The following SUGCT variants were observed in gnomAD, a reference collection of about 807,000 sequenced individuals.
SUGCT encodes succinyl-CoA:glutarate-CoA transferase.
Under a neutral mutation model 55.0 loss-of-function variants are expected in SUGCT, and 41 were observed. That is an observed-to-expected ratio of 0.74 (90% CI 0.58 to 0.97). The LOEUF (loss-of-function observed/expected upper bound fraction) is 0.97. Ranked by LOEUF, SUGCT falls within the 50% of genes least tolerant of loss-of-function variation. SUGCT has a pLI of 0.00. For missense variants in SUGCT, 568 were observed against 547.8 expected (o/e 1.04, Z -0.37); for synonymous variants, 187 against 200.4 (o/e 0.93, Z 0.56).
chr7:40,461,134 G>A (rs913980160), intron 11 of SUGCT, among the ~76,000 whole-genome samples: 4 of 152,146 alleles, frequency 2.6e-5, no homozygotes, highest in African/African-American at 7.2e-5. Flanking sequence ...GTGATGACCT[G>A]GGAAGATTAG....
At chr7:40,985,551 C>G in the SUGCT span, among the ~76,000 whole-genome samples, 2 of 151,964 alleles carry the variant, frequency 1.3e-5, no homozygotes, top group African/African-American at 4.8e-5. Context: ...GCAGTTTTAC[C>G]TGGAAGATAA....
At chr7:40,170,733 C>A (rs1438817197) in intron 1 of SUGCT, among the ~76,000 whole-genome samples, 3 of 151,418 alleles carry the variant, frequency 2.0e-5, no homozygotes, top group Non-Finnish European at 4.4e-5. Context: ...GTCTAGTGGT[C>A]CTTTAACAGC....
chr7:40,667,854 GT>G (rs1418622088), intron 12 of SUGCT, among the ~76,000 whole-genome samples: 4 of 152,080 alleles, frequency 2.6e-5, no homozygotes, highest in South Asian at 4.2e-4. Flanking sequence ...CTAGCCAGTA[GT>G]CTACTGATCT....
chr7:40,141,363 G>A (rs58952289), intron 1 of SUGCT, among the ~76,000 whole-genome samples: 4,984 of 151,886 alleles, frequency 0.033, 260 homozygotes, highest in African/African-American at 0.11. Context: ...GGCCAGGCGC[G>A]GTGGCTCATG....
At chr7:40,784,270 C>T (rs1435808348) in intron 13 of SUGCT, among the ~76,000 whole-genome samples, 2 of 152,080 alleles carry the variant, frequency 1.3e-5, no homozygotes, top group Non-Finnish European at 2.9e-5. Flanking sequence ...AGTTCTGCTC[C>T]ACTCATCAGC....
chr7:40,228,549 A>G (rs1352347435), intron 6 of SUGCT, among the ~76,000 whole-genome samples: 1 of 151,972 alleles, frequency 6.6e-6, no homozygotes, highest in Non-Finnish European at 1.5e-5. Context: ...AATACTTCAT[A>G]GAAGGTGGTG....
intron 13 of SUGCT, among the ~76,000 whole-genome samples, chr7:40,792,509 G>C (rs1311957211): frequency 6.6e-6 from 1 of 152,104 alleles, no homozygotes; most frequent in Non-Finnish European, 1.5e-5. Context: ...ATTCCGTATT[G>C]ACCAGCAACC....
intron 9 of SUGCT, among the ~76,000 whole-genome samples, chr7:40,448,906 G>GTGTGTGTGTGTGTATATA (rs1789014453): frequency 8.8e-6 from 1 of 113,058 alleles, no homozygotes; most frequent in Admixed American, 8.6e-5. Context: ...AGACACATAT[G>GTGTGTGTGTGTGTATATA]TGTGTGTGTG....
chr7:40,488,348 ACT>A (rs1480204024), intron 11 of SUGCT, among the ~76,000 whole-genome samples: 4 of 152,146 alleles, frequency 2.6e-5, no homozygotes, highest in Admixed American at 2.0e-4. Context: ...ACAACAAAAA[ACT>A]CTACATTTTC....
At position 40,394,412 on chromosome 7, in the gene SUGCT, G is replaced by C. The variant is rs375874738; in HGVS notation, c.817-54875G>C. 1.1e-4 allele frequency among the ~76,000 whole-genome samples: 17 copies of C among 152,106 alleles called. No individual in the cohort carries two copies. The South Asian group carries it at 1.5e-3, about 13-fold the overall frequency. On this transcript the variant is annotated intron_variant, in intron 9 of 13. Coordinates refer to ENST00000335693, the MANE Select transcript of SUGCT (RefSeq NM_001193313.2). ...CACTGCAAAAGGAACATAGATAATA[G>C]ATAAATAAATATGCCCATCTTCCAA...
chr7:40,902,269 A>G, the SUGCT span, among the ~76,000 whole-genome samples: 6 of 152,196 alleles, frequency 3.9e-5, no homozygotes, highest in Non-Finnish European at 7.3e-5. Flanking sequence ...TATGTTTAAT[A>G]TATTTTTCAA....
chr7:40,566,124 G>A (rs1023053702), intron 12 of SUGCT, among the ~76,000 whole-genome samples: 1 of 152,102 alleles, frequency 6.6e-6, no homozygotes, highest in African/African-American at 2.4e-5. Flanking sequence ...AGCGTCTACA[G>A]TGTAGTCTTC....
At chr7:40,555,289 C>G (rs577086854) in intron 12 of SUGCT, among the ~76,000 whole-genome samples, 1 of 145,802 alleles carries the variant, frequency 6.9e-6, no homozygotes, top group Non-Finnish European at 1.5e-5. Context: ...CAATGAAACC[C>G]TTCCTCTTTG....
chr7:40,543,519 C>G (rs574228177), intron 12 of SUGCT, among the ~76,000 whole-genome samples: 1 of 152,130 alleles, frequency 6.6e-6, no homozygotes, highest in Non-Finnish European at 1.5e-5. Flanking sequence ...AAGAACCCTG[C>G]CTTGCAAAAC....
intron 12 of SUGCT, among the ~76,000 whole-genome samples, chr7:40,520,748 C>T (rs1793485951): frequency 6.6e-6 from 1 of 152,038 alleles, no homozygotes; most frequent in Non-Finnish European, 1.5e-5. Context: ...GGTAAAATGA[C>T]TTGAATAAGC....
rs1485379396 is a variant in SUGCT at position 40,606,034 on chromosome 7, C to T, written c.1089+109648C>T. Among the ~76,000 whole-genome samples, 6 of 152,106 alleles carry T rather than the reference C, an allele frequency of 3.9e-5. No individual in the cohort carries two copies. In the East Asian group the frequency reaches 1.2e-3, roughly 29 times the overall value. ...AAGGCAAGTCGTTGAACGACTGTCA[C>T]TAGGAGAGTGTGAGGGCTGCTTTTC... is the stretch of plus-strand genomic sequence containing the variant. On this transcript the variant is annotated intron_variant, in intron 12 of 13. Transcript: ENST00000335693.
At chr7:40,841,734 A>G (rs552818100) in intron 13 of SUGCT, among the ~76,000 whole-genome samples, 3 of 152,196 alleles carry the variant, frequency 2.0e-5, no homozygotes, top group Non-Finnish European at 4.4e-5. Context: ...GTGGAAAGAA[A>G]TGTCTTCCCA....
At chr7:40,761,303 G>C (rs898900393) in intron 13 of SUGCT, among the ~76,000 whole-genome samples, 7 of 152,156 alleles carry the variant, frequency 4.6e-5, no homozygotes, top group African/African-American at 1.7e-4. Context: ...AAAGTCAATG[G>C]AGACCACGCA....
At chr7:40,878,370 T>C in the SUGCT span, among the ~76,000 whole-genome samples, 1 of 152,234 alleles carries the variant, frequency 6.6e-6, no homozygotes, top group African/African-American at 2.4e-5. Context: ...CGATTCTTCA[T>C]AGTCCATTCA....
Sources: gnomAD v4.1 joint callset for allele counts (sites outside exome capture counted in the v4.1 genomes callset) on GRCh38, gnomAD v4.1.1 for gene constraint, MANE v1.5 for transcripts, NCBI Gene and HGNC (gene_info 2026-07-23, HGNC 2026-07-21) for gene names.